The following AGAP1 variants were observed in gnomAD, a reference collection of about 807,000 sequenced individuals.
AGAP1 encodes arf-GAP with GTPase, ANK repeat and PH domain-containing protein 1.
In AGAP1, 29 loss-of-function variants were observed where a neutral mutation model predicts 105.3. The ratio of observed to expected loss-of-function variants is 0.28; its 90% CI spans 0.21 to 0.38. The LOEUF (loss-of-function observed/expected upper bound fraction) is 0.38, where lower values mean the gene tolerates loss of function less well. Among genes scored for constraint, AGAP1 ranks in the 10% least tolerant of loss-of-function variants. AGAP1 has a pLI of 1.00. For missense variants in AGAP1, 998 were observed against 1,165.1 expected (o/e 0.86, Z 2.09); for synonymous variants, 509 against 485.9 (o/e 1.05, Z -0.63).
rs1335650146 is a variant in AGAP1, at chr2:236,120,907, G to A, written c.2370+460G>A. Reference sequence around the variant, plus strand: ...TCTGATTAATTTCTACTGGGGAAAAGTATTATTTACATTCCTATTGAAGCA... The same window carrying A: ...TCTGATTAATTTCTACTGGGGAAAAATATTATTTACATTCCTATTGAAGCA... On this transcript the variant is annotated intron_variant, in intron 17 of 17. Coordinates refer to ENST00000304032, the MANE Select transcript of AGAP1 (RefSeq NM_001037131.3). The surrounding 1 kb of genome is among the most constrained non-coding windows in gnomAD (Gnocchi z 6.0). Among the ~76,000 whole-genome samples, 1 of 152,238 alleles carries A rather than the reference G, an allele frequency of 6.6e-6. No individual in the cohort carries two copies. Among genetic ancestry groups the A allele is most frequent in the Non-Finnish European group, 1.5e-5 (1 of 68,044 alleles).
At chr2:235,783,449 T>C (rs1956404413) in intron 6 of AGAP1, 1 of 466,348 alleles carries the variant, frequency 2.1e-6, no homozygotes, top group Non-Finnish European at 4.4e-6. Flanking sequence ...CATGTTCTCA[T>C]AGAGTCCTGT....
rs1286499929 is a variant in AGAP1 at position 235,720,155 on chromosome 2, G to A, written c.310+2511G>A. 6.6e-6 allele frequency among the ~76,000 whole-genome samples: 1 copy of A among 152,196 alleles called. No homozygotes were observed. Among genetic ancestry groups the A allele is most frequent in the African/African-American group, 2.4e-5 (1 of 41,434 alleles). ...TGGGAAAGAAAACAAATGAGAAGCC[G>A]TGTTTCTTTCATACCACGGTCTTGC... On this transcript the variant is annotated intron_variant, in intron 3 of 17. Transcript: ENST00000304032. The surrounding 1 kb of genome is among the most constrained non-coding windows in gnomAD (Gnocchi z 5.0).
chr2:235,994,824 T>G lies in AGAP1; in HGVS notation c.1645+26201T>G, dbSNP rs1365240106. 6.6e-6 allele frequency among the ~76,000 whole-genome samples: 1 copy of G among 151,246 alleles called. No homozygotes were observed. The highest frequency in any genetic ancestry group is 1.9e-4 in the East Asian group (1 of 5,170). On this transcript the variant is annotated intron_variant, in intron 13 of 17. Transcript: ENST00000304032. The surrounding 1 kb of genome is among the most constrained non-coding windows in gnomAD (Gnocchi z 4.4). ...GCTCACACCTGTAATCCTAGCACTT[T>G]GGGAGGCCGAGGCGGGCGGATCACG...
In AGAP1 at chr2:235,883,722, T is replaced by A. The variant is rs139757176; in HGVS notation, c.1155+273T>A. On this transcript the variant is annotated intron_variant, in intron 10 of 17. Coordinates refer to ENST00000304032, the MANE Select transcript of AGAP1 (RefSeq NM_001037131.3). The surrounding 1 kb of genome is among the most constrained non-coding windows in gnomAD (Gnocchi z 4.5). ...GGCACAGATGAAGTAAAATTTTAGATGAGAGTAAAAAGACAGGGGCAAGGA... is the reference window on the plus strand; with the variant it reads ...GGCACAGATGAAGTAAAATTTTAGAAGAGAGTAAAAAGACAGGGGCAAGGA... Among the ~76,000 whole-genome samples, 1 of 152,172 alleles carries A rather than the reference T, an allele frequency of 6.6e-6. No individual in the cohort carries two copies. Among genetic ancestry groups the A allele is most frequent in the African/African-American group, 2.4e-5 (1 of 41,504 alleles).
intron 11 of AGAP1, among the ~76,000 whole-genome samples, chr2:235,923,497 C>G (rs2052288515): frequency 6.7e-6 from 1 of 149,672 alleles, no homozygotes; most frequent in African/African-American, 2.5e-5. Flanking sequence ...TGGACCCCTT[C>G]CTGTCCCGTG....
rs972709169 is a variant in AGAP1 at position 236,036,758 on chromosome 2, G to C, written c.1800+43G>C. ...CCAAAACCAAGGCTGGGGCTGCTCA[G>C]GGGGAGTGCGGGCCCCAAGTAATGC... On this transcript the variant is annotated intron_variant, in intron 14 of 17. Coordinates refer to ENST00000304032, the MANE Select transcript of AGAP1 (RefSeq NM_001037131.3). The surrounding 1 kb of genome is among the most constrained non-coding windows in gnomAD (Gnocchi z 5.7). 1 of 1,609,620 alleles carries C rather than the reference G, an allele frequency of 6.2e-7. No homozygotes were observed. The highest frequency in any genetic ancestry group is 8.5e-7 in the Non-Finnish European group (1 of 1,178,288).
chr2:236,009,620 C>T lies in AGAP1; in HGVS notation c.1646-26941C>T, dbSNP rs751094401. Among the ~76,000 whole-genome samples the T allele has an allele frequency of 6.6e-6, 1 of 152,196 alleles. No homozygotes were observed. The highest frequency in any genetic ancestry group is 1.5e-5 in the Non-Finnish European group (1 of 68,032). On this transcript the variant is annotated intron_variant, in intron 13 of 17. Transcript: ENST00000304032. The surrounding 1 kb of genome is among the most constrained non-coding windows in gnomAD (Gnocchi z 4.2). The stretch of plus-strand genomic sequence containing the variant: ...TATGAATAGAGAGGGCTATTTGTTT[C>T]ATTCAAAGACAAGACATTGTTAGAA...
At position 235,728,041 on chromosome 2, in the gene AGAP1, G is replaced by A. The variant is rs565082146; in HGVS notation, c.310+10397G>A. 5.9e-5 allele frequency among the ~76,000 whole-genome samples: 9 copies of A among 152,258 alleles called. No individual in the cohort carries two copies. Among genetic ancestry groups the A allele is most frequent in the Non-Finnish European group, 8.8e-5 (6 of 68,028 alleles). On this transcript the variant is annotated intron_variant, in intron 3 of 17. Coordinates refer to ENST00000304032, the MANE Select transcript of AGAP1 (RefSeq NM_001037131.3). The surrounding 1 kb of genome is among the most constrained non-coding windows in gnomAD (Gnocchi z 4.3). ...CGCAACTCCCCAAAGAAAATGCTGC[G>A]TCCTTGTAAGACCGTGTCTGCCCAG... is the stretch of plus-strand genomic sequence containing the variant.
chr2:235,594,891 T>TTTG (rs962079050), intron 1 of AGAP1, among the ~76,000 whole-genome samples: 3 of 150,842 alleles, frequency 2.0e-5, no homozygotes, highest in African/African-American at 7.3e-5. Context: ...CTGTTTTTTT[T>TTTG]TTTTTTTTTT....
Position 236,014,668 on chromosome 2 carries a change from A to G in AGAP1, c.1646-21893A>G. On this transcript the variant is annotated intron_variant, in intron 13 of 17. Transcript: ENST00000304032. The surrounding 1 kb of genome is among the most constrained non-coding windows in gnomAD (Gnocchi z 6.3). ...CAGCCCAGGGAGCTCCATGGCACCC[A>G]CCCGCTTCGCGCAGACAGCTCGGAG... 1 of 344,662 alleles carries G rather than the reference A, an allele frequency of 2.9e-6. No individual in the cohort carries two copies. The highest frequency in any genetic ancestry group is 5.9e-6 in the Non-Finnish European group (1 of 169,586). The allele number at this position is 344,662 out of a possible 1,614,324, so 21.4% of individuals were successfully genotyped here. A position where few individuals can be genotyped will look rare whatever the true frequency, so the allele number is the denominator to read the frequency against.
At chr2:236,031,209 A>C (rs2057212802) in intron 13 of AGAP1, among the ~76,000 whole-genome samples, 1 of 152,132 alleles carries the variant, frequency 6.6e-6, no homozygotes, top group Non-Finnish European at 1.5e-5. Flanking sequence ...AAGGAAAGGA[A>C]CCCCTAAGAA....
intron 1 of AGAP1, among the ~76,000 whole-genome samples, chr2:235,568,851 G>A (rs907944122): frequency 2.0e-5 from 3 of 152,072 alleles, no homozygotes; most frequent in Admixed American, 6.5e-5. Flanking sequence ...AGGCAGCAGC[G>A]GATGGAGCAT....
intron 1 of AGAP1, among the ~76,000 whole-genome samples, chr2:235,572,772 T>A (rs1414447815): frequency 6.6e-6 from 1 of 152,172 alleles, no homozygotes; most frequent in African/African-American, 2.4e-5. Flanking sequence ...CACACTGACT[T>A]CAGCCCCACA....
At position 236,009,724 on chromosome 2, in the gene AGAP1, G is replaced by A. The variant is rs891400721; in HGVS notation, c.1646-26837G>A. ...CCTATTAGTTCTCATAATTGATTCT[G>A]AGGGCTGCAGCGTGCCTCATTTAGC... On this transcript the variant is annotated intron_variant, in intron 13 of 17. Coordinates refer to ENST00000304032, the MANE Select transcript of AGAP1 (RefSeq NM_001037131.3). This position sits in a 1 kb window ranked among gnomAD's most constrained non-coding sequence, Gnocchi z 4.2. Among the ~76,000 whole-genome samples the A allele has an allele frequency of 2.1e-4, 32 of 152,162 alleles. No homozygotes were observed. Among genetic ancestry groups the A allele is most frequent in the African/African-American group, 7.7e-4 (32 of 41,424 alleles).
At chr2:235,494,905 G>C in intron 1 of AGAP1, 56 bp downstream of exon 1, 1 of 1,498,340 alleles carries the variant, frequency 6.7e-7, no homozygotes, top group South Asian at 1.2e-5. Flanking sequence ...GCGGCGCGGC[G>C]GGGGTGTGCG....
chr2:235,819,625 TC>T, intron 9 of AGAP1, among the ~76,000 whole-genome samples: 1 of 152,276 alleles, frequency 6.6e-6, no homozygotes, highest in African/African-American at 2.4e-5. Context: ...TGCCTTCTGT[TC>T]CAGGTAAACC....
intron 1 of AGAP1, among the ~76,000 whole-genome samples, chr2:235,694,588 C>T (rs1398691714): frequency 6.6e-6 from 1 of 151,606 alleles, no homozygotes; most frequent in African/African-American, 2.4e-5. Flanking sequence ...GTGGAGGTTG[C>T]AGTCAGCCGA....
intron 1 of AGAP1, among the ~76,000 whole-genome samples, chr2:235,594,883 GTT>G (rs34386154): frequency 0.14 from 15,852 of 109,688 alleles, 754 homozygotes; most frequent in Admixed American, 0.19. Context: ...CCAGATTGCT[GTT>G]TTTTTTTTTT....
In AGAP1 at chr2:235,988,940, C is replaced by G. The variant is rs1575982124; in HGVS notation, c.1645+20317C>G. Among the ~76,000 whole-genome samples the G allele has an allele frequency of 6.6e-6, 1 of 152,152 alleles. No individual in the cohort carries two copies. Among genetic ancestry groups the G allele is most frequent in the Non-Finnish European group, 1.5e-5 (1 of 68,030 alleles). On this transcript the variant is annotated intron_variant, in intron 13 of 17. Coordinates refer to ENST00000304032, the MANE Select transcript of AGAP1 (RefSeq NM_001037131.3). This position sits in a 1 kb window ranked among gnomAD's most constrained non-coding sequence, Gnocchi z 4.7. Reference sequence around the variant, plus strand: ...TGATCCTCCAGTTCTCACACACCTGCACCTTGGGGTCGTTGAGTTTTAGTT... The same window carrying G: ...TGATCCTCCAGTTCTCACACACCTGGACCTTGGGGTCGTTGAGTTTTAGTT...
Sources: gnomAD v4.1 joint callset for allele counts (sites outside exome capture counted in the v4.1 genomes callset) on GRCh38, gnomAD v4.1.1 for gene constraint, Gnocchi (gnomAD v3.1) non-coding constraint, MANE v1.5 for transcripts, NCBI Gene and HGNC (gene_info 2026-07-23, HGNC 2026-07-21) for gene names.